The following RBFOX2 variants were observed in gnomAD, a reference collection of about 807,000 sequenced individuals.
RBFOX2 encodes RNA binding fox-1 homolog 2.
In RBFOX2, 10 loss-of-function variants were observed where a neutral mutation model predicts 49.1. The observed-to-expected ratio is 0.20, with a 90% CI of 0.13 to 0.35. RBFOX2 has a LOEUF of 0.35. RBFOX2 is among the 10% of genes least tolerant of loss of function. The pLI, the probability that RBFOX2 is intolerant of heterozygous loss-of-function variation, is 1.00. For missense variants in RBFOX2, 323 were observed against 486.9 expected (o/e 0.66, Z 3.17); for synonymous variants, 183 against 187.4 (o/e 0.98, Z 0.19).
chr22:35,994,503 T>C (rs1025279603), intron 1 of RBFOX2: 1 of 151,994 alleles, frequency 6.6e-6, no homozygotes, highest in Admixed American at 6.6e-5. Flanking sequence ...CTTTCCAGGC[T>C]CAAATGATCC....
chr22:35,851,007 T>A (rs1402819992), intron 1 of RBFOX2, among the ~76,000 whole-genome samples: 1 of 152,336 alleles, frequency 6.6e-6, no homozygotes, highest in Non-Finnish European at 1.5e-5. Context: ...TGCTTTTGGA[T>A]GATTAAACCA....
intron 9 of RBFOX2, 50 bp from the exon 12 acceptor site, chr22:35,746,611 T>A: frequency 7.8e-7 from 1 of 1,275,260 alleles, no homozygotes; most frequent in Non-Finnish European, 1.1e-6. Flanking sequence ...CCCCCAGGTG[T>A]ACAGAAAAAC....
intron 1 of RBFOX2, among the ~76,000 whole-genome samples, chr22:35,933,935 T>G (rs2052727735): frequency 8.4e-6 from 1 of 118,748 alleles, no homozygotes; most frequent in African/African-American, 3.5e-5. Context: ...GTTATATATA[T>G]ATATATATAT....
chr22:35,744,117 G>T, exon 12 of RBFOX2: 2 of 1,169,028 alleles, frequency 1.7e-6, no homozygotes, highest in African/African-American at 1.6e-5. Flanking sequence ...TCTTCATCTT[G>T]CTATAGAGTT....
intron 1 of RBFOX2, among the ~76,000 whole-genome samples, chr22:36,003,350 A>G (rs2058501332): frequency 6.6e-6 from 1 of 152,240 alleles, no homozygotes; most frequent in South Asian, 2.1e-4. Flanking sequence ...ATGTATTGTA[A>G]TAATTCAAAA....
intron 1 of RBFOX2, among the ~76,000 whole-genome samples, chr22:36,001,996 G>A (rs1401987685): frequency 1.2e-4 from 18 of 151,850 alleles, no homozygotes; most frequent in Admixed American, 9.2e-4. Context: ...CCTGGGAGGC[G>A]GAGGCTGCAG....
intron 1 of RBFOX2, among the ~76,000 whole-genome samples, chr22:35,971,881 C>A (rs1198279458): frequency 7.0e-6 from 1 of 143,172 alleles, no homozygotes; most frequent in Non-Finnish European, 1.5e-5. Context: ...GACCAAGCTC[C>A]TAGCAGCCTT....
At chr22:35,912,109 T>A (rs558907146) in intron 1 of RBFOX2, among the ~76,000 whole-genome samples, 1 of 152,202 alleles carries the variant, frequency 6.6e-6, no homozygotes, top group Admixed American at 6.5e-5. Context: ...GACTGGCATA[T>A]AACAGGCACA....
chr22:35,959,554 C>A (rs1044192632), intron 1 of RBFOX2, among the ~76,000 whole-genome samples: 1 of 152,208 alleles, frequency 6.6e-6, no homozygotes, highest in South Asian at 2.1e-4. Context: ...AGACAGGTCA[C>A]TAGGTATCTT....
intron 1 of RBFOX2, among the ~76,000 whole-genome samples, chr22:35,892,626 C>T (rs1341007283): frequency 6.6e-6 from 1 of 152,064 alleles, no homozygotes. Context: ...AGAAAGAGTG[C>T]CTTTGACCCA....
chr22:35,932,865 A>G (rs2052592529), intron 1 of RBFOX2, among the ~76,000 whole-genome samples: 1 of 152,246 alleles, frequency 6.6e-6, no homozygotes, highest in South Asian at 2.1e-4. Flanking sequence ...TGGGCAACAG[A>G]GTCTCAAAAA....
In RBFOX2 at chr22:35,760,153, T is replaced by C. The variant is rs1938264495; in HGVS notation, c.755-133A>G. The C allele has an allele frequency of 5.0e-6, 6 of 1,192,784 alleles. No homozygotes were observed. The South Asian group carries it at 7.0e-5, about 14-fold the overall frequency. 73.9% of individuals were successfully genotyped at this position (1,192,784 alleles called of 1,614,324 possible). A position where few individuals can be genotyped will look rare whatever the true frequency, so the allele number is the denominator to read the frequency against. Reference sequence around the variant, plus strand: ...CCACACCTTTTTGGAAAAGGTGGCATGCATTCAATAAACGTTCTACCCTGG... The same window carrying C: ...CCACACCTTTTTGGAAAAGGTGGCACGCATTCAATAAACGTTCTACCCTGG... On this transcript the variant is annotated intron_variant, in intron 8 of 11. Coordinates refer to ENST00000405409, the Ensembl canonical transcript of RBFOX2.
intron 1 of RBFOX2, among the ~76,000 whole-genome samples, chr22:35,914,948 G>A (rs1353047751): frequency 3.3e-5 from 5 of 152,168 alleles, no homozygotes; most frequent in Admixed American, 1.3e-4. Context: ...AATGCAAAAA[G>A]ACAGTTTAAT....
chr22:36,011,641 C>A (rs1465397927), intron 1 of RBFOX2, among the ~76,000 whole-genome samples: 1 of 151,858 alleles, frequency 6.6e-6, no homozygotes, highest in Non-Finnish European at 1.5e-5. Flanking sequence ...ACTAACAATA[C>A]TAGTTACTTC....
chr22:35,913,162 A>C (rs958421563), intron 1 of RBFOX2, among the ~76,000 whole-genome samples: 1 of 151,748 alleles, frequency 6.6e-6, no homozygotes, highest in Non-Finnish European at 1.5e-5. Context: ...TTAAAAAGCT[A>C]TTTTCTCTGT....
At chr22:35,769,536 A>G (rs1246441949) in intron 4 of RBFOX2, among the ~76,000 whole-genome samples, 5 of 152,160 alleles carry the variant, frequency 3.3e-5, no homozygotes, top group African/African-American at 9.7e-5. Flanking sequence ...CTCTGCAGCT[A>G]TAATTTTACA....
At chr22:35,897,817 G>A in intron 1 of RBFOX2, 1 of 748,152 alleles carries the variant, frequency 1.3e-6, no homozygotes, top group East Asian at 2.5e-5. Flanking sequence ...AATGGCTTCT[G>A]GAAATGTGTC....
intron 1 of RBFOX2, among the ~76,000 whole-genome samples, chr22:35,974,460 G>A (rs1231574451): frequency 6.6e-6 from 1 of 152,088 alleles, no homozygotes; most frequent in East Asian, 1.9e-4. Flanking sequence ...AGGCCGAGGC[G>A]GGCAGATCAC....
At chr22:35,975,093 G>A (rs913517211) in intron 1 of RBFOX2, among the ~76,000 whole-genome samples, 2 of 152,058 alleles carry the variant, frequency 1.3e-5, no homozygotes, top group African/African-American at 2.4e-5. Flanking sequence ...TTAGAAAAAC[G>A]AAATTTTAAA....
Sources: allele counts gnomAD v4.1 joint callset (sites outside exome capture counted in the v4.1 genomes callset), GRCh38; gene constraint gnomAD v4.1.1; transcripts MANE v1.5; gene names NCBI Gene and HGNC (gene_info 2026-07-23, HGNC 2026-07-21).